The following ST8SIA1 variants were observed in gnomAD, a reference collection of about 807,000 sequenced individuals.
The protein encoded by ST8SIA1 is ST8 alpha-N-acetyl-neuraminide alpha-2,8-sialyltransferase 1, also known as alpha-N-acetylneuraminide alpha-2,8-sialyltransferase.
A neutral mutation model predicts 35.9 loss-of-function variants in ST8SIA1; 16 were observed. The observed-to-expected ratio is 0.45, with a 90% CI of 0.30 to 0.68. The LOEUF is 0.68. Ranked by LOEUF, ST8SIA1 falls within the 30% of genes least tolerant of loss-of-function variation. The pLI, the probability that ST8SIA1 is intolerant of heterozygous loss-of-function variation, is 0.09. For missense variants in ST8SIA1, 383 were observed against 453.6 expected (o/e 0.84, Z 1.41); for synonymous variants, 170 against 169.6 (o/e 1.00, Z -0.02).
At chr12:22,303,845 G>T (rs1464410699) in intron 1 of ST8SIA1, among the ~76,000 whole-genome samples, 1 of 57,738 alleles carries the variant, frequency 1.7e-5, no homozygotes, top group Non-Finnish European at 3.4e-5. Context: ...CCACCACCCT[G>T]CCACACACAC....
At chr12:22,218,214 C>T (rs1457319225) in intron 4 of ST8SIA1, among the ~76,000 whole-genome samples, 2 of 151,966 alleles carry the variant, frequency 1.3e-5, no homozygotes, top group Non-Finnish European at 2.9e-5. Flanking sequence ...ATCCCAGCTA[C>T]TCAGGAGGCT....
chr12:22,321,161 C>G (rs1248800176), intron 1 of ST8SIA1, among the ~76,000 whole-genome samples: 1 of 152,040 alleles, frequency 6.6e-6, no homozygotes, highest in Non-Finnish European at 1.5e-5. Context: ...TCTGGCTGTC[C>G]CTGAGCCATG....
chr12:22,194,456 G>A lies in ST8SIA1; in HGVS notation c.*7096C>T, dbSNP rs1173918267. 2 of 152,094 alleles carry A rather than the reference G, an allele frequency of 1.3e-5. No homozygotes were observed. The highest frequency in any genetic ancestry group is 2.9e-5 in the Non-Finnish European group (2 of 68,030). The allele number at this position is 152,094 out of a possible 1,614,324, so 9.4% of individuals were successfully genotyped here. On this transcript the variant is annotated 3_prime_UTR_variant, in exon 5 of 5. Transcript: ENST00000396037. ...ATTTATAGGACTTCTTGATAATAAC[G>A]ATACAACTTGGAACAGACATGATTA...
chr12:22,266,044 C>T (rs1005185744), intron 2 of ST8SIA1, among the ~76,000 whole-genome samples: 2 of 152,072 alleles, frequency 1.3e-5, no homozygotes, highest in Non-Finnish European at 2.9e-5. Flanking sequence ...ATTCCCTCCA[C>T]ACCATTTTAC....
chr12:22,268,576 T>C (rs987245509), intron 2 of ST8SIA1: 2 of 152,160 alleles, frequency 1.3e-5, no homozygotes, highest in African/African-American at 2.4e-5. Context: ...AACACATCCT[T>C]TCTCACGTGG....
At chr12:22,214,147 A>T (rs540557824) in intron 4 of ST8SIA1, among the ~76,000 whole-genome samples, 2 of 152,288 alleles carry the variant, frequency 1.3e-5, no homozygotes, top group South Asian at 4.1e-4. Context: ...TCGCACTTAA[A>T]TGGTGGGCAA....
At chr12:22,254,431 G>A (rs371866137) in intron 3 of ST8SIA1, among the ~76,000 whole-genome samples, 6 of 151,892 alleles carry the variant, frequency 4.0e-5, no homozygotes, top group Admixed American at 6.6e-5. Context: ...ATCTCAGAGC[G>A]CTCTTCCTGC....
chr12:22,301,055 T>C (rs1866312576), intron 1 of ST8SIA1, among the ~76,000 whole-genome samples: 1 of 152,164 alleles, frequency 6.6e-6, no homozygotes, highest in Admixed American at 6.6e-5. Context: ...ATAATTGTTA[T>C]AATAAATTAT....
chr12:22,329,052 G>A (rs1023669858), intron 1 of ST8SIA1, among the ~76,000 whole-genome samples: 3 of 152,118 alleles, frequency 2.0e-5, no homozygotes, highest in Admixed American at 6.6e-5. Context: ...TGGGTGGCTC[G>A]AGCAAAACCA....
intron 1 of ST8SIA1, among the ~76,000 whole-genome samples, chr12:22,306,422 T>G (rs1866383942): frequency 6.6e-6 from 1 of 152,162 alleles, no homozygotes; most frequent in South Asian, 2.1e-4. Context: ...TGAGAAAGGG[T>G]ACAAGCAAAG....
chr12:22,272,886 G>C (rs2135807291), intron 2 of ST8SIA1, among the ~76,000 whole-genome samples: 1 of 152,320 alleles, frequency 6.6e-6, no homozygotes, highest in Non-Finnish European at 1.5e-5. Context: ...CTCTGACTGT[G>C]ATTTTTACAT....
chr12:22,291,435 C>T (rs939193811), intron 1 of ST8SIA1, among the ~76,000 whole-genome samples: 30 of 152,176 alleles, frequency 2.0e-4, no homozygotes, highest in Admixed American at 7.9e-4. Context: ...AGTATCTGGC[C>T]AAAATCTACT....
intron 2 of ST8SIA1, among the ~76,000 whole-genome samples, chr12:22,280,239 C>T (rs1310040331): frequency 2.6e-5 from 4 of 152,038 alleles, no homozygotes; most frequent in Non-Finnish European, 4.4e-5. Context: ...AAATTAAAAT[C>T]GGAGGCAAAT....
intron 2 of ST8SIA1, among the ~76,000 whole-genome samples, chr12:22,270,067 A>G (rs773435053): frequency 2.6e-5 from 4 of 152,212 alleles, no homozygotes; most frequent in African/African-American, 4.8e-5. Flanking sequence ...GGTTGTAATC[A>G]TTTTGTAGCA....
chr12:22,289,569 G>T (rs1336174907), intron 1 of ST8SIA1, among the ~76,000 whole-genome samples: 1 of 152,170 alleles, frequency 6.6e-6, no homozygotes, highest in East Asian at 1.9e-4. Context: ...AGTAACCCAT[G>T]AGCTGGATGA....
rs1166352981 is a variant in ST8SIA1, at chr12:22,197,563, G to A, written c.*3989C>T. 3.3e-5 allele frequency: 5 copies of A among 152,114 alleles called. No homozygotes were observed. Among genetic ancestry groups the A allele is most frequent in the African/African-American group, 9.7e-5 (4 of 41,426 alleles). 9.4% of individuals were successfully genotyped at this position (152,114 alleles called of 1,614,324 possible). On this transcript the variant is annotated 3_prime_UTR_variant, in exon 5 of 5. Transcript: ENST00000396037. ...AAAACTGGAATATGTAGCTGCTGAC[G>A]AAAAGAAATGTTATCAATATTGTTT...
intron 1 of ST8SIA1, among the ~76,000 whole-genome samples, chr12:22,320,970 A>G (rs1591856922): frequency 1.3e-5 from 1 of 76,910 alleles, no homozygotes; most frequent in African/African-American, 7.1e-5. Context: ...AAAGAAAGAA[A>G]GAAAGAAAGA....
chr12:22,294,108 G>C (rs948275291), intron 1 of ST8SIA1, among the ~76,000 whole-genome samples: 8 of 151,962 alleles, frequency 5.3e-5, no homozygotes, highest in Non-Finnish European at 1.0e-4. Flanking sequence ...AACAAGAAGT[G>C]GCAGAAGCTG....
At chr12:22,208,295 A>G (rs1311675622) in intron 4 of ST8SIA1, among the ~76,000 whole-genome samples, 1 of 152,156 alleles carries the variant, frequency 6.6e-6, no homozygotes, top group African/African-American at 2.4e-5. Context: ...AATTATGTAT[A>G]TAAGTGGAAA....
Sources: gnomAD v4.1 joint callset for allele counts (sites outside exome capture counted in the v4.1 genomes callset) on GRCh38, gnomAD v4.1.1 for gene constraint, MANE v1.5 for transcripts, NCBI Gene and HGNC (gene_info 2026-07-23, HGNC 2026-07-21) for gene names.